Variants in CTBP2 observed in about 807,000 individuals in gnomAD.
CTBP2 encodes the protein C-terminal-binding protein 2.
Under a neutral mutation model 80.3 loss-of-function variants are expected in CTBP2, and 30 were observed. The observed-to-expected ratio is 0.37, with a 90% confidence interval of 0.28 to 0.51. The LOEUF is 0.51. CTBP2 is among the 20% of genes least tolerant of loss of function. The probability of loss-of-function intolerance (pLI) is 0.93; values close to 1 mark genes in which losing one functional copy is unlikely to be tolerated. For synonymous variants in CTBP2, 594 were observed against 587.4 expected, an observed-to-expected ratio of 1.01 and a Z score of -0.16; for missense variants, 1,212 against 1,375.3, an observed-to-expected ratio of 0.88 and a Z score of 1.88.
At chr10:125,111,239 T>C (rs1486178427) in intron 1 of CTBP2, 146 bp from the exon 2 acceptor site, 1 of 152,194 alleles carries the variant, frequency 6.6e-6, no homozygotes, top group African/African-American at 2.4e-5. Context: ...AAAAATACTA[T>C]TTGTCTTGCT....
In CTBP2 at chr10:124,994,583, G is replaced by A. The variant is rs78653489; in HGVS notation, c.2286C>T (p.Gly762=). Reference sequence around the variant, plus strand: ...CCTGCAGGGTGTAGACCCTCTGCACGCCCAGGGACCGCTCGATCCCATCCT... The same window carrying A: ...CCTGCAGGGTGTAGACCCTCTGCACACCCAGGGACCGCTCGATCCCATCCT... Residue 762 remains glycine (G), a synonymous_variant, in exon 5 of 9, where the codon GGC becomes GGT. Coordinates refer to ENST00000309035, the MANE Select transcript of CTBP2 (RefSeq NM_022802.3). The A allele has an allele frequency of 1.2e-6, 2 of 1,614,028 alleles. No individual in the cohort carries two copies. The highest frequency in any genetic ancestry group is 1.7e-6 in the Non-Finnish European group (2 of 1,179,902).
chr10:125,149,047 C>T (rs1049609299), intron 1 of CTBP2, among the ~76,000 whole-genome samples: 21 of 152,156 alleles, frequency 1.4e-4, no homozygotes, highest in African/African-American at 4.3e-4. Flanking sequence ...ACCACTGCGC[C>T]GTGTTCTGCT....
At chr10:125,145,378 T>TGA (rs1219924971) in intron 1 of CTBP2, among the ~76,000 whole-genome samples, 1 of 152,122 alleles carries the variant, frequency 6.6e-6, no homozygotes, top group Non-Finnish European at 1.5e-5. Flanking sequence ...GCCAACCTTT[T>TGA]GAGCACCCCC....
intron 2 of CTBP2, among the ~76,000 whole-genome samples, chr10:125,107,144 G>A (rs1042478352): frequency 6.6e-6 from 1 of 152,182 alleles, no homozygotes; most frequent in Non-Finnish European, 1.5e-5. Context: ...CTTCAGCGGG[G>A]GCCCCTCCTC....
chr10:125,107,355 C>A (rs11245505), intron 2 of CTBP2, among the ~76,000 whole-genome samples: 4,704 of 152,302 alleles, frequency 0.031, 106 homozygotes, highest in Middle Eastern at 0.078. Flanking sequence ...AAAGGCCCCA[C>A]GGATGCATGC....
intron 2 of CTBP2, among the ~76,000 whole-genome samples, chr10:125,041,248 T>G (rs189900915): frequency 7.4e-4 from 112 of 152,280 alleles, no homozygotes; most frequent in Non-Finnish European, 7.3e-5. Context: ...GCCTGGCTAA[T>G]TTTTGTATTT....
chr10:125,099,019 G>A (rs1190639228), intron 2 of CTBP2, among the ~76,000 whole-genome samples: 2 of 152,176 alleles, frequency 1.3e-5, no homozygotes, highest in Non-Finnish European at 2.9e-5. Flanking sequence ...CTTTCCACGC[G>A]CTGTCGGTCT....
upstream of CTBP2, among the ~76,000 whole-genome samples, chr10:125,029,194 A>T (rs1033064203): frequency 6.6e-6 from 1 of 152,110 alleles, no homozygotes; most frequent in Non-Finnish European, 1.5e-5. Context: ...ACTCTACTAG[A>T]ATCTTCTAAA....
chr10:125,078,633 C>T (rs1277757468), intron 2 of CTBP2, among the ~76,000 whole-genome samples: 2 of 151,940 alleles, frequency 1.3e-5, no homozygotes, highest in African/African-American at 4.8e-5. Context: ...CACAGACAAG[C>T]CAAGCTGCGA....
chr10:125,160,596 GCCCTCCCCACCCTCCCTCCGCTCCCCTC>G (rs1443213893), upstream of CTBP2: 2 of 20,190 alleles, frequency 9.9e-5, no homozygotes, highest in Admixed American at 7.2e-4. Context: ...TCCCCCTCCC[GCCCTCCCCACCCTCCCTCCGCTCCCCTC>G]CCCTCCCCAC....
intron 2 of CTBP2, among the ~76,000 whole-genome samples, chr10:125,086,443 T>C (rs1018522344): frequency 1.3e-5 from 2 of 151,850 alleles, no homozygotes; most frequent in African/African-American, 4.8e-5. Flanking sequence ...CCCGGGAGAC[T>C]GAGGCAGGAG....
rs943978492 is a variant in CTBP2, at chr10:125,054,470, C to T, written c.-101-15315G>A. On this transcript the variant is annotated intron_variant, in intron 2 of 10. Transcript: ENST00000337195. ...ATGAGAAGCTGAACCCTCCCCGAGC[C>T]GGGCCTTCAGATGAGACCACAACCC... Among the ~76,000 whole-genome samples, 6 of 152,334 alleles carry T rather than the reference C, an allele frequency of 3.9e-5. No homozygotes were observed. In the South Asian group the frequency reaches 6.2e-4, roughly 16 times the overall value.
At chr10:125,132,158 C>G (rs1298622926) in intron 1 of CTBP2, among the ~76,000 whole-genome samples, 1 of 152,096 alleles carries the variant, frequency 6.6e-6, no homozygotes, top group Non-Finnish European at 1.5e-5. Flanking sequence ...TTTCGTTGAC[C>G]AATTCAAAAG....
intron 1 of CTBP2, among the ~76,000 whole-genome samples, chr10:125,019,033 A>AT (rs1225913996): frequency 2.6e-5 from 4 of 152,216 alleles, no homozygotes; most frequent in Admixed American, 6.5e-5. Context: ...TCTCCTAACA[A>AT]TTTGGCAAAA....
At chr10:125,019,236 C>A (rs1014961091) in intron 1 of CTBP2, among the ~76,000 whole-genome samples, 11 of 152,210 alleles carry the variant, frequency 7.2e-5, no homozygotes, top group Admixed American at 3.3e-4. Flanking sequence ...GGGAAACACA[C>A]ACCTGACAAC....
chr10:125,011,644 A>ACAAG (rs1283583508), intron 1 of CTBP2, among the ~76,000 whole-genome samples: 1 of 152,222 alleles, frequency 6.6e-6, no homozygotes, highest in African/African-American at 2.4e-5. Context: ...CCCTAGAAAG[A>ACAAG]CAAGCACGTG....
intron 2 of CTBP2, among the ~76,000 whole-genome samples, chr10:125,048,516 G>T (rs1961835673): frequency 6.6e-6 from 1 of 152,220 alleles, no homozygotes; most frequent in Admixed American, 6.5e-5. Context: ...AGGGGATGCA[G>T]CGCCAGCGCC....
rs1039613942 is a variant in CTBP2 at position 125,126,582 on chromosome 10, G to A, written c.-205-15489C>T. Among the ~76,000 whole-genome samples the A allele has an allele frequency of 1.2e-4, 19 of 152,352 alleles. No homozygotes were observed. The East Asian group carries it at 1.9e-3, about 15-fold the overall frequency. On this transcript the variant is annotated intron_variant, in intron 1 of 10. Transcript: ENST00000337195. ...CGAAATACATGGCAGGGCCAGGCCC[G>A]TCAATCAGGACAAGCCACGTACTTG...
Position 125,027,611 on chromosome 10 carries a change from C to G in CTBP2, c.149G>C (p.Trp50Ser). The change falls in exon 1 of 9, where the codon TGG becomes TCG. Residue 50 changes from tryptophan (W) to serine (S), a missense_variant. Coordinates refer to ENST00000309035, the MANE Select transcript of CTBP2 (RefSeq NM_022802.3). Reference sequence around the variant, plus strand: ...CTGTGGTCGGTGGTTTGGCTCAAACCAAGTCCCCTCTGCTGTGCCATACGT... The same window carrying G: ...CTGTGGTCGGTGGTTTGGCTCAAACGAAGTCCCCTCTGCTGTGCCATACGT... 6.2e-7 allele frequency: 1 copy of G among 1,614,088 alleles called. No individual in the cohort carries two copies. The highest frequency in any genetic ancestry group is 2.2e-5 in the East Asian group (1 of 44,868).
Sources: gnomAD v4.1 joint callset for allele counts (sites outside exome capture counted in the v4.1 genomes callset) on GRCh38, gnomAD v4.1.1 for gene constraint, MANE v1.5 for transcripts, NCBI Gene and HGNC (gene_info 2026-07-23, HGNC 2026-07-21) for gene names.